Variants in MAEA observed in about 807,000 individuals in gnomAD.
MAEA encodes the protein E3 ubiquitin-protein transferase MAEA.
A neutral mutation model predicts 46.2 loss-of-function variants in MAEA; 22 were observed. The observed-to-expected ratio is 0.48, with a 90% CI of 0.34 to 0.68. The LOEUF (loss-of-function observed/expected upper bound fraction) is 0.68, where lower values mean the gene tolerates loss of function less well. MAEA is among the 30% of genes least tolerant of loss of function. The probability of loss-of-function intolerance (pLI) is 0.01; values close to 1 mark genes in which losing one functional copy is unlikely to be tolerated. For missense variants in MAEA, 393 were observed against 558.1 expected (o/e 0.70, Z 2.98); for synonymous variants, 246 against 222.6 (o/e 1.11, Z -0.94).
intron 5 of MAEA, chr4:1,329,774 G>A: frequency 2.0e-6 from 2 of 985,494 alleles, no homozygotes; most frequent in Non-Finnish European, 2.4e-6. Context: ...GAGCCCAGAG[G>A]GTGTTGTGTA....
chr4:1,306,556 C>T (rs990202498), intron 1 of MAEA, among the ~76,000 whole-genome samples: 1 of 151,976 alleles, frequency 6.6e-6, no homozygotes, highest in Non-Finnish European at 1.5e-5. Flanking sequence ...GCTTGCTTGT[C>T]GTAATACTGA....
intron 1 of MAEA, chr4:1,298,023 C>T (rs1406148452): frequency 2.2e-6 from 1 of 456,350 alleles, no homozygotes; most frequent in South Asian, 1.5e-5. Flanking sequence ...CACCTATCTG[C>T]TGAGGAACCC....
intron 3 of MAEA, among the ~76,000 whole-genome samples, chr4:1,318,329 G>T (rs913478426): frequency 2.6e-5 from 4 of 152,252 alleles, no homozygotes; most frequent in African/African-American, 9.6e-5. Flanking sequence ...TGTGTTGGGG[G>T]AGAGAGACGT....
intron 7 of MAEA, chr4:1,337,353 T>C (rs28612202): frequency 1.2e-3 from 206 of 177,752 alleles, no homozygotes; most frequent in East Asian, 5.0e-3. Flanking sequence ...ACTGACTCTG[T>C]CCCGCCTGTG....
intron 6 of MAEA, among the ~76,000 whole-genome samples, chr4:1,333,918 A>ATG (rs1712262870): frequency 8.1e-5 from 1 of 12,272 alleles, no homozygotes; most frequent in Non-Finnish European, 1.5e-4. Flanking sequence ...ACCTGTGCTC[A>ATG]CCCCCATGCC....
intron 1 of MAEA, chr4:1,309,519 G>A (rs1736201550): frequency 1.5e-6 from 2 of 1,356,960 alleles, no homozygotes; most frequent in South Asian, 3.5e-5. Context: ...TGGAGGGAGA[G>A]GGGGTGCTGC....
chr4:1,334,015 CCCCCATGCCCA>C (rs1175296011), intron 6 of MAEA, among the ~76,000 whole-genome samples: 3 of 44,594 alleles, frequency 6.7e-5, no homozygotes, highest in Admixed American at 2.1e-4. Flanking sequence ...ACCGTGCTCA[CCCCCATGCCCA>C]CCCCATGCCC....
intron 1 of MAEA, among the ~76,000 whole-genome samples, chr4:1,301,209 G>A (rs1489885476): frequency 5.3e-5 from 8 of 152,326 alleles, no homozygotes; most frequent in East Asian, 3.9e-4. Flanking sequence ...TCAGAAGCAC[G>A]GCAAACGCTG....
At chr4:1,290,284 C>T (rs1016353862) in intron 1 of MAEA, among the ~76,000 whole-genome samples, 1 of 152,032 alleles carries the variant, frequency 6.6e-6, no homozygotes, top group African/African-American at 2.4e-5. Context: ...GGGTGGAAGC[C>T]GGAGTTTGCG....
chr4:1,322,026 C>T (rs577027507), intron 3 of MAEA, among the ~76,000 whole-genome samples: 1 of 152,204 alleles, frequency 6.6e-6, no homozygotes, highest in Admixed American at 6.5e-5. Flanking sequence ...TGTAGATGTG[C>T]TGGGGGGCTG....
At chr4:1,305,929 G>A (rs560377833) in intron 1 of MAEA, among the ~76,000 whole-genome samples, 4 of 152,178 alleles carry the variant, frequency 2.6e-5, no homozygotes, top group Non-Finnish European at 2.9e-5. Flanking sequence ...GGAAGCTGTC[G>A]GGCGGGCGGG....
chr4:1,334,918 C>G, intron 6 of MAEA: 1 of 985,362 alleles, frequency 1.0e-6, no homozygotes, highest in Non-Finnish European at 1.2e-6. Flanking sequence ...TTAAAACAGC[C>G]TTTAAAAATG....
intron 1 of MAEA, among the ~76,000 whole-genome samples, chr4:1,306,706 C>T (rs1735870850): frequency 6.6e-6 from 1 of 152,186 alleles, no homozygotes; most frequent in Admixed American, 6.5e-5. Context: ...TGATAAGGTT[C>T]AGAGGATGGA....
chr4:1,314,837 G>T (rs1238106113), intron 2 of MAEA, among the ~76,000 whole-genome samples: 1 of 152,190 alleles, frequency 6.6e-6, no homozygotes, highest in East Asian at 1.9e-4. Flanking sequence ...AAAGAAGCCA[G>T]CCCGGATCCT....
chr4:1,305,397 AC>A (rs1238652946), intron 1 of MAEA, among the ~76,000 whole-genome samples: 3 of 151,188 alleles, frequency 2.0e-5, no homozygotes, highest in African/African-American at 4.9e-5. Flanking sequence ...TTGCTGGAGG[AC>A]TCTTCGGTGT....
In MAEA at chr4:1,338,658, G is replaced by A. The variant is rs377008054; in HGVS notation, c.1095+41G>A. The A allele has an allele frequency of 2.5e-5, 39 of 1,545,424 alleles. No homozygotes were observed. In the African/African-American group the frequency reaches 3.1e-4, roughly 12 times the overall value. On this transcript the variant is annotated intron_variant, in intron 8 of 8. Coordinates refer to ENST00000303400, the MANE Select transcript of MAEA (RefSeq NM_001017405.3). ...CAGGGGGGCCAGGCTGGCACGCATC[G>A]CCATCGGGACAGGGCTGTGTGGGAC... is the stretch of plus-strand genomic sequence containing the variant.
At chr4:1,333,212 C>T (rs1712077149) in intron 6 of MAEA, among the ~76,000 whole-genome samples, 1 of 151,850 alleles carries the variant, frequency 6.6e-6, no homozygotes, top group Non-Finnish European at 1.5e-5. Flanking sequence ...CATAGTAGCA[C>T]CTGCCTATAG....
intron 1 of MAEA, among the ~76,000 whole-genome samples, chr4:1,292,445 C>T (rs372501035): frequency 6.6e-6 from 1 of 152,090 alleles, no homozygotes; most frequent in Non-Finnish European, 1.5e-5. Context: ...ATGGAACAGA[C>T]GTGAATTGCT....
At chr4:1,338,385 T>G in intron 7 of MAEA, 37 bp from the exon 8 acceptor site, 1 of 1,567,902 alleles carries the variant, frequency 6.4e-7, no homozygotes, top group Non-Finnish European at 8.7e-7. Context: ...CCGGCTGCCC[T>G]GAGTGGCCCC....
Sources: gnomAD v4.1 joint callset for allele counts (sites outside exome capture counted in the v4.1 genomes callset) on GRCh38, gnomAD v4.1.1 for gene constraint, MANE v1.5 for transcripts, NCBI Gene and HGNC (gene_info 2026-07-23, HGNC 2026-07-21) for gene names.